ABI2: variants seen among roughly 807,000 people sequenced by gnomAD.
ABI2 encodes abl interactor 2.
ABI2 carries 25 observed loss-of-function variants against 59.2 expected under a neutral mutation model. The observed-to-expected ratio is 0.42, with a 90% CI of 0.31 to 0.59. The LOEUF (loss-of-function observed/expected upper bound fraction) is 0.59, where lower values mean the gene tolerates loss of function less well. ABI2 is among the 20% of genes least tolerant of loss of function. The probability of loss-of-function intolerance (pLI) is 0.14; values close to 1 mark genes in which losing one functional copy is unlikely to be tolerated. For synonymous variants in ABI2, 213 were observed against 235.5 expected (o/e 0.90, Z 0.87); for missense variants, 545 against 681.8 (o/e 0.80, Z 2.23).
intron 1 of ABI2, among the ~76,000 whole-genome samples, chr2:203,336,560 A>T (rs10172500): frequency 1.3e-5 from 2 of 152,214 alleles, no homozygotes; most frequent in Admixed American, 6.5e-5. Flanking sequence ...GAGGCTCTCT[A>T]TTGTACCCTT....
chr2:203,372,474 A>G (rs956916131), intron 2 of ABI2, among the ~76,000 whole-genome samples: 18 of 151,364 alleles, frequency 1.2e-4, no homozygotes, highest in Non-Finnish European at 2.4e-4. Context: ...GTGGCCGGGC[A>G]GAGGGGCTCC....
rs201209202 is a variant in ABI2 at position 203,331,348 on chromosome 2, C to CTTTTTTTTTTTT, written c.117+2726_117+2737dup. Among the ~76,000 whole-genome samples, 36 of 85,298 alleles carry CTTTTTTTTTTTT rather than the reference C, an allele frequency of 4.2e-4. 1 individual carries two copies. The highest frequency in any genetic ancestry group is 5.5e-4 in the Admixed American group (3 of 5,434). The allele number at this position is 85,298 out of a possible 152,430, so 56.0% of individuals were successfully genotyped here. The stretch of plus-strand genomic sequence containing the variant: ...TCAGTGATCAAATGGTCAATTTAGC[C>CTTTTTTTTTTTT]TTTTTTTTTTTTTTTTTTTTCTGAG... On this transcript the variant is annotated intron_variant, in intron 1 of 11. Coordinates refer to ENST00000261018, the MANE Select transcript of ABI2 (RefSeq NM_001375670.1).
At chr2:203,364,537 T>C (rs2094109490) in intron 1 of ABI2, among the ~76,000 whole-genome samples, 1 of 152,154 alleles carries the variant, frequency 6.6e-6, no homozygotes, top group Non-Finnish European at 1.5e-5. Context: ...AAACTTCATC[T>C]TGAACTTAGA....
At chr2:203,360,200 A>T (rs1385675849) in intron 1 of ABI2, among the ~76,000 whole-genome samples, 1 of 151,890 alleles carries the variant, frequency 6.6e-6, no homozygotes, top group Admixed American at 6.6e-5. Flanking sequence ...AAAAAAAAAA[A>T]AAAAAAAGAA....
chr2:203,426,223 AGTGTGTTTGTCTTGGAACAATG>A (rs2098421960), intron 11 of ABI2, among the ~76,000 whole-genome samples: 1 of 152,238 alleles, frequency 6.6e-6, no homozygotes, highest in African/African-American at 2.4e-5. Context: ...TAACAAAGAC[AGTGTGTTTGTCTTGGAACAATG>A]GATAGGTGGA....
At chr2:203,399,108 A>G (rs182228442) in intron 8 of ABI2, among the ~76,000 whole-genome samples, 32 of 152,286 alleles carry the variant, frequency 2.1e-4, no homozygotes, top group Admixed American at 1.0e-3. Flanking sequence ...TTTTAACGTC[A>G]TAAGAAACTG....
intron 10 of ABI2, among the ~76,000 whole-genome samples, chr2:203,411,808 C>T (rs1473222173): frequency 2.0e-5 from 3 of 152,176 alleles, no homozygotes; most frequent in Non-Finnish European, 4.4e-5. Context: ...GCCAGTCTGT[C>T]TCCCAAGAAG....
intron 9 of ABI2, among the ~76,000 whole-genome samples, chr2:203,403,695 A>G (rs1262837963): frequency 1.4e-5 from 2 of 145,132 alleles, no homozygotes; most frequent in Non-Finnish European, 3.0e-5. Flanking sequence ...TCAGGTTAGG[A>G]TTTGAACTTA....
Position 203,411,330 on chromosome 2 carries a change from A to G in ABI2, c.1238A>G (p.Gln413Arg). 2 of 1,613,678 alleles carry G rather than the reference A, an allele frequency of 1.2e-6. No individual in the cohort carries two copies. The highest frequency in any genetic ancestry group is 1.7e-6 in the Non-Finnish European group (2 of 1,179,756). Residue 413 changes from glutamine to arginine, a missense_variant, in exon 10 of 12, where the codon CAG becomes CGG. Physicochemically the swap from Gln to Arg is conservative, Grantham distance 43. This residue lies in a region of ABI2 where 410 missense variants were observed against 435.6 expected (regional missense o/e 0.94). Coordinates refer to ENST00000261018, the MANE Select transcript of ABI2 (RefSeq NM_001375670.1). ...CCCTCCATCCTACAGGTAACTCCTC[A>G]GTTACCTTTAATGGGATTTGTGGCC... ...PPPSILQVTP[Q>R]LPLMGFVARV...
intron 7 of ABI2, among the ~76,000 whole-genome samples, chr2:203,396,013 A>G (rs1362888001): frequency 6.6e-6 from 1 of 152,168 alleles, no homozygotes; most frequent in East Asian, 1.9e-4. Flanking sequence ...TTGAGGTTTC[A>G]GATCACACTT....
chr2:203,344,164 C>A (rs879823246), intron 1 of ABI2, among the ~76,000 whole-genome samples: 3 of 152,130 alleles, frequency 2.0e-5, no homozygotes, highest in African/African-American at 4.8e-5. Context: ...CTTAGCGCTT[C>A]AACTGTTTAG....
At chr2:203,335,285 G>T (rs1417262436) in intron 1 of ABI2, among the ~76,000 whole-genome samples, 3 of 152,004 alleles carry the variant, frequency 2.0e-5, no homozygotes, top group Admixed American at 6.6e-5. Flanking sequence ...TTGAGACAGG[G>T]TCTCACTCTG....
chr2:203,388,371 A>G (rs2096613547), intron 4 of ABI2, among the ~76,000 whole-genome samples: 1 of 152,142 alleles, frequency 6.6e-6, no homozygotes, highest in South Asian at 2.1e-4. Flanking sequence ...CAGATCATAA[A>G]ATGTACCAAG....
chr2:203,357,910 AG>A (rs540652123), intron 1 of ABI2, among the ~76,000 whole-genome samples: 324 of 152,170 alleles, frequency 2.1e-3, no homozygotes, highest in African/African-American at 6.9e-3. Context: ...CTGGGACTAC[AG>A]GTGTGGACCA....
rs144557298 is a variant in ABI2, at chr2:203,407,923, G to A, written c.1193-3362G>A. On this transcript the variant is annotated intron_variant, in intron 9 of 11. Coordinates refer to ENST00000261018, the MANE Select transcript of ABI2 (RefSeq NM_001375670.1). ...AGACAGTATATTCTGGCTCACAGAC[G>A]TTCTTGTCAGATGAAATCTTACAAG... is the stretch of plus-strand genomic sequence containing the variant. Among the ~76,000 whole-genome samples the A allele has an allele frequency of 8.5e-5, 13 of 152,202 alleles. No individual in the cohort carries two copies. The East Asian group carries it at 2.3e-3, about 27-fold the overall frequency.
chr2:203,391,234 AAG>A (rs1422330598), intron 5 of ABI2, 91 bp downstream of exon 5: 11 of 881,692 alleles, frequency 1.2e-5, no homozygotes, highest in South Asian at 9.2e-5. Flanking sequence ...TGAATATTTG[AAG>A]AGAGAACATT....
intron 11 of ABI2, among the ~76,000 whole-genome samples, chr2:203,421,395 TATC>T (rs1464898414): frequency 6.6e-6 from 1 of 152,228 alleles, no homozygotes; most frequent in Non-Finnish European, 1.5e-5. Context: ...TTTGATGATG[TATC>T]ATCAAGGTCT....
intron 1 of ABI2, among the ~76,000 whole-genome samples, chr2:203,332,407 A>G (rs2074226606): frequency 6.6e-6 from 1 of 152,018 alleles, no homozygotes; most frequent in African/African-American, 2.4e-5. Context: ...CAGGCACATC[A>G]CGAGATCAGG....
At chr2:203,331,550 G>T (rs1002580193) in intron 1 of ABI2, among the ~76,000 whole-genome samples, 5 of 151,702 alleles carry the variant, frequency 3.3e-5, no homozygotes, top group Non-Finnish European at 1.5e-5. Flanking sequence ...GTAGAGACGG[G>T]ATTTCCCCAT....
Sources: gnomAD v4.1 joint callset for allele counts (sites outside exome capture counted in the v4.1 genomes callset) on GRCh38, gnomAD v4.1.1 for gene constraint, gnomAD v4.1.1 regional missense constraint, MANE v1.5 for transcripts, NCBI Gene and HGNC (gene_info 2026-07-23, HGNC 2026-07-21) for gene names.